Variants in ESR1 observed in about 807,000 individuals in gnomAD.
The protein encoded by ESR1 is estrogen receptor.
ESR1 carries 12 observed loss-of-function variants against 52.7 expected under a neutral mutation model. The observed-to-expected ratio is 0.23, with a 90% confidence interval of 0.15 to 0.37. ESR1 has a LOEUF of 0.37. Ranked by LOEUF, ESR1 falls within the 10% of genes least tolerant of loss-of-function variation. The pLI is 1.00. For missense variants in ESR1, 584 were observed against 779.7 expected (o/e 0.75, Z 2.99); for synonymous variants, 305 against 316.8 (o/e 0.96, Z 0.39).
chr6:151,734,320 T>G (rs1053809445), intron 2 of ESR1, among the ~76,000 whole-genome samples: 2 of 152,212 alleles, frequency 1.3e-5, no homozygotes, highest in African/African-American at 4.8e-5. Flanking sequence ...AAGTTCCATC[T>G]TCTTTGTGGC....
chr6:152,036,186 C>A (rs2045286001), intron 5 of ESR1, among the ~76,000 whole-genome samples: 1 of 152,230 alleles, frequency 6.6e-6, no homozygotes, highest in South Asian at 2.1e-4. Context: ...ATGGCAAAAC[C>A]TCGTCTCTAC....
chr6:151,708,238 T>G (rs1265867313), intron 2 of ESR1, among the ~76,000 whole-genome samples: 1 of 152,200 alleles, frequency 6.6e-6, no homozygotes, highest in African/African-American at 2.4e-5. Flanking sequence ...TTAAAGATTC[T>G]GATAAATCTT....
At chr6:152,031,854 C>T (rs535555507) in intron 5 of ESR1, among the ~76,000 whole-genome samples, 1 of 152,272 alleles carries the variant, frequency 6.6e-6, no homozygotes, top group South Asian at 2.1e-4. Context: ...GAATTTTAGA[C>T]CAATATCCCT....
At chr6:151,842,841 G>C (rs779181258) in intron 2 of ESR1, 54 bp downstream of exon 2, 8 of 1,502,234 alleles carry the variant, frequency 5.3e-6, no homozygotes, top group African/African-American at 1.4e-5. Context: ...CAGATCCTAA[G>C]AGCCAAAGCG....
At chr6:151,953,080 C>T (rs77542956) in intron 4 of ESR1, among the ~76,000 whole-genome samples, 3,602 of 152,210 alleles carry the variant, frequency 0.024, 121 homozygotes, top group African/African-American at 0.08. Context: ...AGTATAGCTG[C>T]GTTCTTAGAA....
intron 4 of ESR1, among the ~76,000 whole-genome samples, chr6:151,953,816 G>A (rs2036598269): frequency 1.3e-5 from 2 of 152,040 alleles, no homozygotes; most frequent in Admixed American, 6.6e-5. Flanking sequence ...CTCTGTAACC[G>A]ATAACTTTCT....
At chr6:151,863,115 C>T (rs1433902765) in intron 2 of ESR1, among the ~76,000 whole-genome samples, 1 of 152,096 alleles carries the variant, frequency 6.6e-6, no homozygotes, top group Non-Finnish European at 1.5e-5. Flanking sequence ...GTTCTTTTGG[C>T]TTAGGATTGA....
chr6:151,782,983 A>G (rs938979312), intron 2 of ESR1, among the ~76,000 whole-genome samples: 7 of 152,048 alleles, frequency 4.6e-5, no homozygotes, highest in Non-Finnish European at 5.9e-5. Context: ...CCACTCTAAT[A>G]CCATCACCTT....
At chr6:151,966,363 G>T (rs939796187) in intron 4 of ESR1, among the ~76,000 whole-genome samples, 2 of 151,986 alleles carry the variant, frequency 1.3e-5, no homozygotes, top group African/African-American at 4.8e-5. Flanking sequence ...AGGTGTTAGG[G>T]CTTCTTTCAT....
At chr6:151,726,489 T>G (rs1350993095) in intron 2 of ESR1, among the ~76,000 whole-genome samples, 2 of 152,118 alleles carry the variant, frequency 1.3e-5, no homozygotes, top group South Asian at 2.1e-4. Context: ...CTGCCACCAC[T>G]TCCGGCTAAT....
intron 2 of ESR1, among the ~76,000 whole-genome samples, chr6:151,709,064 T>A (rs993200987): frequency 1.3e-5 from 2 of 152,202 alleles, no homozygotes; most frequent in Non-Finnish European, 2.9e-5. Context: ...CTCTTGCACT[T>A]ACTTTTCCGA....
At chr6:151,882,569 A>G (rs760941599) in intron 3 of ESR1, among the ~76,000 whole-genome samples, 28 of 152,232 alleles carry the variant, frequency 1.8e-4, no homozygotes, top group Admixed American at 3.3e-4. Flanking sequence ...ACAGCTGCAT[A>G]AGAAAAGCTT....
rs111690493 is a variant in ESR1 at position 152,118,958 on chromosome 6, T to G, written c.851-6308T>G. Among the ~76,000 whole-genome samples, 869 of 152,206 alleles carry G rather than the reference T, an allele frequency of 5.7e-3. 13 individuals are homozygous for G. Among genetic ancestry groups the G allele is most frequent in the African/African-American group, 0.02 (815 of 41,518 alleles). On this transcript the variant is annotated intron_variant, in intron 6 of 6. Coordinates refer to the ESR1 transcript ENST00000427531. ...GGACCTATCTGGTACACACTCAGGA[T>G]ATTTCAATTTCTCCACAATCCCCTG... is the stretch of plus-strand genomic sequence containing the variant.
chr6:152,026,608 A>G (rs1303718544), intron 5 of ESR1, among the ~76,000 whole-genome samples: 1 of 151,536 alleles, frequency 6.6e-6, no homozygotes, highest in Non-Finnish European at 1.5e-5. Context: ...CTATTATTTT[A>G]TATTTATTAT....
chr6:151,959,445 C>G (rs188253543), intron 4 of ESR1, among the ~76,000 whole-genome samples: 1 of 152,186 alleles, frequency 6.6e-6, no homozygotes, highest in Non-Finnish European at 1.5e-5. Context: ...ATAAACACAG[C>G]CTTTTTCCTT....
chr6:151,949,843 C>T (rs907791974), intron 4 of ESR1, among the ~76,000 whole-genome samples: 5 of 152,214 alleles, frequency 3.3e-5, no homozygotes, highest in African/African-American at 7.2e-5. Context: ...ATCCCTTTCT[C>T]ATCTTGAGAG....
At chr6:151,809,327 C>T in intron 1 of ESR1, 1 of 293,784 alleles carries the variant, frequency 3.4e-6, no homozygotes, top group Non-Finnish European at 7.4e-6. Context: ...TTCTCCCTCT[C>T]CTCTCCCTCC....
Position 151,736,375 on chromosome 6 carries a change from G to GTTTTTTTTTTTTTT in ESR1, c.-71+34372_-71+34385dup, listed in dbSNP as rs10624912. ...AAATACTTACTGTATTCCAGGTAGT[G>GTTTTTTTTTTTTTT]TTTTTTTTTTTTTTTGAGATGGAGT... On this transcript the variant is annotated intron_variant, in intron 2 of 2. Coordinates refer to the ESR1 transcript ENST00000404742. Among the ~76,000 whole-genome samples, 13 of 112,734 alleles carry GTTTTTTTTTTTTTT rather than the reference G, an allele frequency of 1.2e-4. 3 individuals carry two copies. The highest frequency in any genetic ancestry group is 4.2e-4 in the African/African-American group (11 of 26,140). The allele number at this position is 112,734 out of a possible 152,430, so 74.0% of individuals were successfully genotyped here. A position where few individuals can be genotyped will look rare whatever the true frequency, so the allele number is the denominator to read the frequency against.
intron 6 of ESR1, among the ~76,000 whole-genome samples, chr6:152,114,619 C>T (rs113766362): frequency 0.045 from 6,801 of 152,128 alleles, 154 homozygotes; most frequent in Middle Eastern, 0.071. Context: ...AGGCCGGGCG[C>T]GGTGGCTCAC....
Sources: allele counts gnomAD v4.1 joint callset (sites outside exome capture counted in the v4.1 genomes callset), GRCh38; gene constraint gnomAD v4.1.1; transcripts MANE v1.5; gene names NCBI Gene and HGNC (gene_info 2026-07-23, HGNC 2026-07-21).